The following MIR2052HG variants were observed in gnomAD, a reference collection of about 807,000 sequenced individuals.
MIR2052HG encodes MIR2052 host gene.
intron 2 of MIR2052HG, among the ~76,000 whole-genome samples, chr8:74,662,601 C>T (rs1451531333): frequency 6.6e-6 from 1 of 152,028 alleles, no homozygotes; most frequent in Non-Finnish European, 1.5e-5. Flanking sequence ...AAAGAAGTTG[C>T]GTTCTGTAAG....
intron 2 of MIR2052HG, among the ~76,000 whole-genome samples, chr8:74,650,600 T>C (rs918134471): frequency 1.3e-5 from 2 of 152,132 alleles, no homozygotes; most frequent in Admixed American, 6.6e-5. Context: ...ATGAGTATGG[T>C]GTGGTAGGCA....
At chr8:74,729,247 G>A (rs1314252288) in intron 4 of MIR2052HG, among the ~76,000 whole-genome samples, 1 of 152,070 alleles carries the variant, frequency 6.6e-6, no homozygotes, top group African/African-American at 2.4e-5. Context: ...CTGTTTTAGT[G>A]CCAAAAATCG....
intron 4 of MIR2052HG, among the ~76,000 whole-genome samples, chr8:74,746,567 AGTGTGTGTGT>A (rs72103010): frequency 6.1e-5 from 9 of 147,642 alleles, no homozygotes; most frequent in Admixed American, 4.8e-4. Context: ...GAGGAGAAGA[AGTGTGTGTGT>A]GTGTGTGTGT....
intron 2 of MIR2052HG, among the ~76,000 whole-genome samples, chr8:74,663,824 C>T (rs887504249): frequency 2.6e-5 from 4 of 152,208 alleles, no homozygotes; most frequent in African/African-American, 9.6e-5. Context: ...AGTTTGGATG[C>T]ACTCACTGCA....
At chr8:74,622,512 G>A (rs562553173) in intron 2 of MIR2052HG, among the ~76,000 whole-genome samples, 12 of 152,236 alleles carry the variant, frequency 7.9e-5, no homozygotes, top group African/African-American at 2.2e-4. Context: ...GCTGAGGCAT[G>A]AGAATTGCTT....
intron 2 of MIR2052HG, among the ~76,000 whole-genome samples, chr8:74,695,498 C>A (rs1809286271): frequency 6.6e-6 from 1 of 152,068 alleles, no homozygotes; most frequent in African/African-American, 2.4e-5. Context: ...AAATGCTCCA[C>A]TTAAAGGATG....
At chr8:74,622,010 T>C (rs1367193948) in intron 2 of MIR2052HG, among the ~76,000 whole-genome samples, 1 of 152,132 alleles carries the variant, frequency 6.6e-6, no homozygotes, top group Non-Finnish European at 1.5e-5. Flanking sequence ...TTTTTGGGTA[T>C]GACCCCAAGA....
At chr8:74,755,652 C>G (rs963637875) in intron 5 of MIR2052HG, among the ~76,000 whole-genome samples, 1 of 152,158 alleles carries the variant, frequency 6.6e-6, no homozygotes, top group East Asian at 1.9e-4. Context: ...GGTCTTCCAG[C>G]GTTCTATCCA....
chr8:74,634,490 A>C (rs1366356323), intron 2 of MIR2052HG, among the ~76,000 whole-genome samples: 1 of 152,158 alleles, frequency 6.6e-6, no homozygotes, highest in Non-Finnish European at 1.5e-5. Flanking sequence ...TAATTTCTTA[A>C]TACATTCTTA....
At chr8:74,679,534 T>G (rs1809096341) in intron 2 of MIR2052HG, among the ~76,000 whole-genome samples, 1 of 80,868 alleles carries the variant, frequency 1.2e-5, no homozygotes, top group African/African-American at 3.4e-5. Flanking sequence ...TTATTATTAT[T>G]ATTATTATTA....
intron 5 of MIR2052HG, among the ~76,000 whole-genome samples, chr8:74,753,285 C>CTACATTATAT: frequency 6.6e-6 from 1 of 152,018 alleles, no homozygotes; most frequent in Non-Finnish European, 1.5e-5. Flanking sequence ...GGCTGCCACA[C>CTACATTATAT]AGGCAAATGT....
chr8:74,680,574 A>T (rs1809111781), intron 2 of MIR2052HG, among the ~76,000 whole-genome samples: 2 of 152,108 alleles, frequency 1.3e-5, no homozygotes, highest in South Asian at 4.1e-4. Flanking sequence ...CAGGTGCTGG[A>T]GAGGATGTGG....
chr8:74,717,748 G>T (rs1000223023), intron 4 of MIR2052HG, among the ~76,000 whole-genome samples: 7 of 151,198 alleles, frequency 4.6e-5, no homozygotes, highest in Non-Finnish European at 8.8e-5. Flanking sequence ...TTCAAGGTGG[G>T]AATGAGCTAC....
At chr8:74,621,821 T>C (rs1350355471) in intron 2 of MIR2052HG, among the ~76,000 whole-genome samples, 4 of 152,180 alleles carry the variant, frequency 2.6e-5, no homozygotes, top group Non-Finnish European at 5.9e-5. Context: ...TTTCAGTAAA[T>C]AGTTTTGGAA....
chr8:74,655,680 A>AC (rs1292690598), intron 2 of MIR2052HG, among the ~76,000 whole-genome samples: 1 of 151,938 alleles, frequency 6.6e-6, no homozygotes, highest in African/African-American at 2.4e-5. Context: ...CCTTATGGAG[A>AC]CCCTCTGCTA....
chr8:74,636,152 G>A (rs946743085), intron 2 of MIR2052HG, among the ~76,000 whole-genome samples: 1 of 152,114 alleles, frequency 6.6e-6, no homozygotes, highest in East Asian at 1.9e-4. Flanking sequence ...CTCAGTGTCC[G>A]AAAATAATTG....
intron 4 of MIR2052HG, among the ~76,000 whole-genome samples, chr8:74,731,313 A>G (rs954999557): frequency 5.3e-5 from 8 of 152,206 alleles, no homozygotes; most frequent in African/African-American, 1.9e-4. Flanking sequence ...TGGAAGTCAA[A>G]TACATTGGGC....
At chr8:74,683,338 CTG>C (rs1809145411) in intron 2 of MIR2052HG, among the ~76,000 whole-genome samples, 1 of 151,418 alleles carries the variant, frequency 6.6e-6, no homozygotes, top group Non-Finnish European at 1.5e-5. Context: ...TTAAGTCACT[CTG>C]TATCCCTGAA....
intron 2 of MIR2052HG, among the ~76,000 whole-genome samples, chr8:74,683,077 A>G (rs112748016): frequency 1.7e-4 from 26 of 152,276 alleles, no homozygotes; most frequent in African/African-American, 5.8e-4. Flanking sequence ...AAAAGTGTAA[A>G]TAATAAGGCA....
Sources: gnomAD v4.1 joint callset for allele counts (sites outside exome capture counted in the v4.1 genomes callset) on GRCh38, gnomAD v4.1.1 for gene constraint, MANE v1.5 for transcripts, NCBI Gene and HGNC (gene_info 2026-07-23, HGNC 2026-07-21) for gene names.